The following UCHL5 variants were observed in gnomAD, a reference collection of about 807,000 sequenced individuals.
UCHL5 encodes ubiquitin C-terminal hydrolase L5, also known as ubiquitin carboxyl-terminal hydrolase isozyme L5.
A neutral mutation model predicts 53.8 loss-of-function variants in UCHL5; 34 were observed. That is an observed-to-expected ratio of 0.63 (90% CI 0.48 to 0.84). The LOEUF (loss-of-function observed/expected upper bound fraction) is 0.84, where lower values mean the gene tolerates loss of function less well. Ranked by LOEUF, UCHL5 falls within the 40% of genes least tolerant of loss-of-function variation. The pLI is 0.00. For synonymous variants in UCHL5, 111 were observed against 126.3 expected (o/e 0.88, Z 0.81); for missense variants, 290 against 385.6 (o/e 0.75, Z 2.08).
intron 10 of UCHL5, 44 bp from the exon 11 acceptor site, chr1:193,016,439 T>C: frequency 6.4e-7 from 1 of 1,563,786 alleles, no homozygotes. Context: ...AAAAGTCAGT[T>C]TTAGACTATA....
intron 2 of UCHL5, 141 bp from the exon 3 acceptor site, chr1:193,049,992 G>A: frequency 1.6e-6 from 1 of 645,112 alleles, no homozygotes; most frequent in Non-Finnish European, 2.5e-6. Context: ...GATCACTATT[G>A]CCATTCATAG....
At chr1:193,040,117 A>G (rs140149063) in intron 3 of UCHL5, among the ~76,000 whole-genome samples, 3 of 152,342 alleles carry the variant, frequency 2.0e-5, no homozygotes, top group Non-Finnish European at 4.4e-5. Context: ...CTCAAAAAGC[A>G]CAGACAACAA....
In UCHL5 at chr1:193,028,094, C is replaced by CT. The variant is rs1383126944; in HGVS notation, c.619dup (p.Arg207LysfsTer7). ...TTAGCTGAGCATTTACTTTTGTATC[C>CT]TTTTTTCTATGACAGGCCTTACTGC... On this transcript the variant is annotated frameshift_variant, in exon 7 of 11. Coordinates refer to ENST00000367454, the MANE Select transcript of UCHL5 (RefSeq NM_001199261.3). LOFTEE classifies it high-confidence loss of function. 4 of 1,605,334 alleles carry CT rather than the reference C, an allele frequency of 2.5e-6. No individual in the cohort carries two copies. Among genetic ancestry groups the CT allele is most frequent in the Non-Finnish European group, 3.4e-6 (4 of 1,177,924 alleles).
At position 193,059,052 on chromosome 1, in the gene UCHL5, C is replaced by T; in HGVS notation, c.76+133G>A. 1.1e-6 allele frequency: 1 copy of T among 879,440 alleles called. No homozygotes were observed. Among genetic ancestry groups the T allele is most frequent in the Non-Finnish European group, 1.7e-6 (1 of 587,452 alleles). 54.5% of individuals were successfully genotyped at this position (879,440 alleles called of 1,614,324 possible). A position where few individuals can be genotyped will look rare whatever the true frequency, so the allele number is the denominator to read the frequency against. ...GGAGAGGGCAGAACATCTACATTTCCCCCACCCGGACTCCAGGTTCCTGAA... is the reference window on the plus strand; with the variant it reads ...GGAGAGGGCAGAACATCTACATTTCTCCCACCCGGACTCCAGGTTCCTGAA... On this transcript the variant is annotated intron_variant, in intron 1 of 10. Coordinates refer to ENST00000367454, the MANE Select transcript of UCHL5 (RefSeq NM_001199261.3). This position sits in a 1 kb window ranked among gnomAD's most constrained non-coding sequence, Gnocchi z 4.9.
At chr1:193,050,617 G>A (rs543908727) in intron 2 of UCHL5, among the ~76,000 whole-genome samples, 3 of 152,064 alleles carry the variant, frequency 2.0e-5, no homozygotes, top group South Asian at 2.1e-4. Context: ...ATGGTGAAGC[G>A]TGCCTGTAAT....
chr1:193,036,234 G>C (rs115281991), intron 3 of UCHL5, among the ~76,000 whole-genome samples: 2,609 of 148,708 alleles, frequency 0.018, 33 homozygotes, highest in South Asian at 0.044. Context: ...TAATATGGTG[G>C]GTACAAATAA....
At chr1:193,017,332 A>T (rs1223212730) in intron 10 of UCHL5, among the ~76,000 whole-genome samples, 3 of 151,770 alleles carry the variant, frequency 2.0e-5, no homozygotes, top group Admixed American at 2.0e-4. Flanking sequence ...TAAAAAATAC[A>T]GCAATTAAAA....
chr1:193,046,615 G>C (rs1418518770), intron 3 of UCHL5, among the ~76,000 whole-genome samples: 1 of 148,756 alleles, frequency 6.7e-6, no homozygotes, highest in African/African-American at 2.5e-5. Context: ...TAAGGGATCA[G>C]ATTAATAATT....
chr1:193,040,429 T>G (rs1665162138), intron 3 of UCHL5, among the ~76,000 whole-genome samples: 1 of 152,090 alleles, frequency 6.6e-6, no homozygotes, highest in Non-Finnish European at 1.5e-5. Context: ...GCAATGCAAA[T>G]CAAAACCGCA....
intron 1 of UCHL5, among the ~76,000 whole-genome samples, chr1:193,058,846 A>T (rs1323216470): frequency 1.3e-5 from 2 of 152,236 alleles, no homozygotes; most frequent in Non-Finnish European, 2.9e-5. Flanking sequence ...TGCGCGCCGC[A>T]GAGAAGGGGC....
In UCHL5 at chr1:193,018,000, G is replaced by A. The variant is rs577101288; in HGVS notation, c.943-1605C>T. On this transcript the variant is annotated intron_variant, in intron 10 of 10. Transcript: ENST00000367454. The stretch of plus-strand genomic sequence containing the variant: ...AAAATAAAATCATATAAATAACATG[G>A]AAAAATATATACTGTTAAAAATACT... 1.2e-4 allele frequency among the ~76,000 whole-genome samples: 18 copies of A among 151,478 alleles called. No individual in the cohort carries two copies. The South Asian group carries it at 3.5e-3, about 30-fold the overall frequency.
At chr1:193,032,742 A>G (rs1449287484) in intron 3 of UCHL5, among the ~76,000 whole-genome samples, 1 of 152,242 alleles carries the variant, frequency 6.6e-6, no homozygotes, top group East Asian at 1.9e-4. Context: ...TTTTCAAAAG[A>G]AGACATTTAT....
chr1:193,018,466 G>A (rs1280625392), intron 10 of UCHL5: 1 of 879,480 alleles, frequency 1.1e-6, no homozygotes, highest in Non-Finnish European at 1.4e-6. Context: ...CATAATACAA[G>A]AAGTTTTATA....
At chr1:193,047,875 A>G (rs1667841154) in intron 3 of UCHL5, among the ~76,000 whole-genome samples, 1 of 152,198 alleles carries the variant, frequency 6.6e-6, no homozygotes, top group South Asian at 2.1e-4. Flanking sequence ...ACATTAAACT[A>G]TTTCACTGAC....
intron 6 of UCHL5, 42 bp from the exon 7 acceptor site, chr1:193,028,190 G>A: frequency 2.0e-6 from 3 of 1,495,978 alleles, no homozygotes; most frequent in South Asian, 1.4e-5. Flanking sequence ...ATAAAAATAA[G>A]AACAATCAAC....
rs1156583623 is a variant in UCHL5, at chr1:193,014,655, T to A, written c.*1696A>T. ...GGGGGTCATTGTTCACTTTTTTCTA[T>A]ATGGATATTCAGCTATTCTATTCTG... On this transcript the variant is annotated 3_prime_UTR_variant, in exon 11 of 11. Coordinates refer to ENST00000367454, the MANE Select transcript of UCHL5 (RefSeq NM_001199261.3). The A allele has an allele frequency of 6.6e-6, 1 of 152,180 alleles. No homozygotes were observed. The highest frequency in any genetic ancestry group is 1.5e-5 in the Non-Finnish European group (1 of 68,008). The allele number at this position is 152,180 out of a possible 1,614,324, so 9.4% of individuals were successfully genotyped here.
At chr1:193,050,964 C>T (rs1273310804) in intron 2 of UCHL5, among the ~76,000 whole-genome samples, 2 of 152,132 alleles carry the variant, frequency 1.3e-5, no homozygotes. Flanking sequence ...TTTTAATTAA[C>T]CTTCCCTGAT....
Position 193,014,577 on chromosome 1 carries a change from T to A in UCHL5, c.*1774A>T, listed in dbSNP as rs1339667381. Reference sequence around the variant, plus strand: ...TTTCAGTTAAAAAGCTTCATACTTTTAAAATATTACATTTAGGTCTATGAT... The same window carrying A: ...TTTCAGTTAAAAAGCTTCATACTTTAAAAATATTACATTTAGGTCTATGAT... On this transcript the variant is annotated 3_prime_UTR_variant, in exon 11 of 11. Transcript: ENST00000367454. 2.4e-4 allele frequency: 36 copies of A among 152,160 alleles called. No individual in the cohort carries two copies. The highest frequency in any genetic ancestry group is 2.4e-3 in the Admixed American group (36 of 15,256). 9.4% of individuals were successfully genotyped at this position (152,160 alleles called of 1,614,324 possible). A position where few individuals can be genotyped will look rare whatever the true frequency, so the allele number is the denominator to read the frequency against.
chr1:193,048,380 A>G (rs1355498631), intron 3 of UCHL5, among the ~76,000 whole-genome samples: 1 of 152,228 alleles, frequency 6.6e-6, no homozygotes, highest in Non-Finnish European at 1.5e-5. Context: ...TTAACTTCTC[A>G]ACAATATCAT....
Sources: gnomAD v4.1 joint callset for allele counts (sites outside exome capture counted in the v4.1 genomes callset) on GRCh38, gnomAD v4.1.1 for gene constraint, Gnocchi (gnomAD v3.1) non-coding constraint, MANE v1.5 for transcripts, NCBI Gene and HGNC (gene_info 2026-07-23, HGNC 2026-07-21) for gene names.